The following NRG1 variants were observed in gnomAD, a reference collection of about 807,000 sequenced individuals.
The protein encoded by NRG1 is pro-neuregulin-1, membrane-bound isoform.
A neutral mutation model predicts 63.8 loss-of-function variants in NRG1; 18 were observed. That is an observed-to-expected ratio of 0.28 (90% confidence interval 0.19 to 0.42). The LOEUF (loss-of-function observed/expected upper bound fraction) is 0.42. Ranked by LOEUF, NRG1 falls within the 10% of genes least tolerant of loss-of-function variation. The pLI, the probability that NRG1 is intolerant of heterozygous loss-of-function variation, is 1.00. For missense variants in NRG1, 762 were observed against 814.7 expected (o/e 0.94, Z 0.79); for synonymous variants, 302 against 301.3 (o/e 1.00, Z -0.02).
intron 1 of NRG1, among the ~76,000 whole-genome samples, chr8:32,248,543 A>C (rs181290048): frequency 1.3e-5 from 2 of 152,206 alleles, no homozygotes; most frequent in East Asian, 1.9e-4. Flanking sequence ...AATTACATAA[A>C]TATCCAATTA....
intron 1 of NRG1, among the ~76,000 whole-genome samples, chr8:32,282,923 G>A (rs1052318797): frequency 3.9e-5 from 6 of 152,052 alleles, no homozygotes; most frequent in African/African-American, 1.4e-4. Flanking sequence ...AAAGGCATTT[G>A]GTGTTGCTTA....
chr8:32,011,128 A>G (rs1276638650), intron 1 of NRG1, among the ~76,000 whole-genome samples: 1 of 152,088 alleles, frequency 6.6e-6, no homozygotes, highest in African/African-American at 2.4e-5. Flanking sequence ...TGTTATGGCA[A>G]ATCTCTACGG....
chr8:32,490,041 G>A (rs892815366), intron 1 of NRG1, among the ~76,000 whole-genome samples: 1 of 152,182 alleles, frequency 6.6e-6, no homozygotes, highest in Admixed American at 6.5e-5. Flanking sequence ...GGATGTGGTG[G>A]CACATGCCTA....
At chr8:32,173,811 C>T (rs1000278913) in intron 1 of NRG1, among the ~76,000 whole-genome samples, 2 of 152,128 alleles carry the variant, frequency 1.3e-5, no homozygotes, top group African/African-American at 4.8e-5. Context: ...TATATATGCA[C>T]CCAATACAGG....
chr8:31,692,829 A>G (rs1809663827), intron 1 of NRG1, among the ~76,000 whole-genome samples: 1 of 152,180 alleles, frequency 6.6e-6, no homozygotes, highest in East Asian at 1.9e-4. Context: ...AGCCCTAGGT[A>G]GTGAAATCTT....
At chr8:32,105,153 A>T (rs1831096865) in intron 1 of NRG1, among the ~76,000 whole-genome samples, 1 of 152,160 alleles carries the variant, frequency 6.6e-6, no homozygotes, top group African/African-American at 2.4e-5. Context: ...TCACTAAGTG[A>T]TAGAAATTTT....
At chr8:32,397,524 C>A (rs1336932127) in intron 1 of NRG1, among the ~76,000 whole-genome samples, 55 of 139,206 alleles carry the variant, frequency 4.0e-4, no homozygotes, top group Non-Finnish European at 4.4e-4. Flanking sequence ...GACTTAACAT[C>A]AAAAAAAAAA....
chr8:32,200,185 A>C (rs960252153), intron 1 of NRG1, among the ~76,000 whole-genome samples: 14 of 152,250 alleles, frequency 9.2e-5, no homozygotes, highest in Admixed American at 4.6e-4. Context: ...GGGGATTCCT[A>C]TGAGTTTGAC....
chr8:32,582,069 C>CTATTTTATATTATTTTATTT (rs1554591291), intron 1 of NRG1, among the ~76,000 whole-genome samples: 7 of 145,154 alleles, frequency 4.8e-5, no homozygotes, highest in African/African-American at 1.8e-4. Flanking sequence ...ACCATGAACT[C>CTATTTTATATTATTTTATTT]TATTTTATTT....
intron 1 of NRG1, among the ~76,000 whole-genome samples, chr8:31,805,045 C>T (rs1007320622): frequency 6.6e-6 from 1 of 152,024 alleles, no homozygotes; most frequent in Non-Finnish European, 1.5e-5. Flanking sequence ...ATAAAATTAA[C>T]CAAATTGTCA....
chr8:31,699,551 C>T (rs972234230), intron 1 of NRG1, among the ~76,000 whole-genome samples: 1 of 152,004 alleles, frequency 6.6e-6, no homozygotes, highest in Non-Finnish European at 1.5e-5. Flanking sequence ...CTTTTTCTTA[C>T]CCACTATAAA....
chr8:32,746,885 GA>G (rs1827542588), intron 7 of NRG1, among the ~76,000 whole-genome samples: 1 of 64,350 alleles, frequency 1.6e-5, no homozygotes, highest in African/African-American at 6.7e-5. Context: ...TTTTTTTTTT[GA>G]CTTACAATGA....
At chr8:32,040,745 A>AT (rs1563713425) in intron 1 of NRG1, among the ~76,000 whole-genome samples, 1,112 of 22,510 alleles carry the variant, frequency 0.049, 37 homozygotes, top group Middle Eastern at 0.12. Flanking sequence ...TATGAAATTT[A>AT]GGCGCATATA....
chr8:32,690,938 AGTGTGT>A (rs113081002), intron 5 of NRG1, among the ~76,000 whole-genome samples: 2,473 of 131,142 alleles, frequency 0.019, 72 homozygotes, highest in African/African-American at 0.063. Flanking sequence ...TTTCCCTCTC[AGTGTGT>A]GTGTGTGTGT....
chr8:32,091,885 T>C lies in NRG1; in HGVS notation c.37+452454T>C, dbSNP rs111297101. ...AAATAAATATGATGAGAGCTTATTGTAGGGGAGACTTTTGGGGGACTATGG... is the reference window on the plus strand; with the variant it reads ...AAATAAATATGATGAGAGCTTATTGCAGGGGAGACTTTTGGGGGACTATGG... On this transcript the variant is annotated intron_variant, in intron 1 of 10. Transcript: ENST00000519301. 1.2e-3 allele frequency among the ~76,000 whole-genome samples: 189 copies of C among 152,230 alleles called. 2 individuals carry two copies. The highest frequency in any genetic ancestry group is 4.1e-3 in the African/African-American group (172 of 41,546).
chr8:32,136,693 T>C (rs939042405), intron 1 of NRG1: 2 of 152,168 alleles, frequency 1.3e-5, no homozygotes, highest in African/African-American at 4.8e-5. Context: ...ACCCCACTAA[T>C]GGAGTGTGCA....
At chr8:32,739,981 CCTG>C (rs1278195109) in intron 6 of NRG1, among the ~76,000 whole-genome samples, 1 of 152,026 alleles carries the variant, frequency 6.6e-6, no homozygotes, top group Non-Finnish European at 1.5e-5. Context: ...TCTGGAAACA[CCTG>C]CTTTAATTAT....
chr8:32,506,592 A>G lies in NRG1; in HGVS notation c.38-89236A>G, dbSNP rs146680545. ...CAAGCCAAAAATCACAAAAGTCGCA[A>G]TACCCAAAGAATTATTTCTTACAAA... On this transcript the variant is annotated intron_variant, in intron 1 of 10. Transcript: ENST00000519301. 2.0e-5 allele frequency among the ~76,000 whole-genome samples: 3 copies of G among 152,364 alleles called. No homozygotes were observed. The East Asian group carries it at 5.8e-4, about 29-fold the overall frequency.
At chr8:32,325,423 C>A (rs980017763) in intron 1 of NRG1, among the ~76,000 whole-genome samples, 2 of 152,156 alleles carry the variant, frequency 1.3e-5, no homozygotes, top group African/African-American at 4.8e-5. Flanking sequence ...GCTCTGTCCC[C>A]CAGGCTGAAG....
Sources: gnomAD v4.1 joint callset for allele counts (sites outside exome capture counted in the v4.1 genomes callset) on GRCh38, gnomAD v4.1.1 for gene constraint, MANE v1.5 for transcripts, NCBI Gene and HGNC (gene_info 2026-07-23, HGNC 2026-07-21) for gene names.